Variants in STARD13 observed in about 807,000 individuals in gnomAD.
STARD13 encodes StAR related lipid transfer domain containing 13.
STARD13 carries 62 observed loss-of-function variants against 106.4 expected under a neutral mutation model. The observed-to-expected ratio is 0.58, with a 90% CI of 0.48 to 0.72. The LOEUF is 0.72. STARD13 is among the 30% of genes least tolerant of loss of function. The pLI is 0.00. For missense variants in STARD13, 1,387 were observed against 1,424.0 expected (o/e 0.97, Z 0.42); for synonymous variants, 565 against 553.0 (o/e 1.02, Z -0.31).
chr13:33,334,296 C>G (rs755602851), intron 1 of STARD13, among the ~76,000 whole-genome samples: 1 of 152,112 alleles, frequency 6.6e-6, no homozygotes, highest in African/African-American at 2.4e-5. Context: ...TTTCTCTATT[C>G]TACTACAAAA....
At chr13:33,314,498 A>G (rs1893257059) in intron 1 of STARD13, among the ~76,000 whole-genome samples, 1 of 152,222 alleles carries the variant, frequency 6.6e-6, no homozygotes, top group African/African-American at 2.4e-5. Flanking sequence ...TATCTGAATC[A>G]AGACATGGAA....
At chr13:33,205,148 C>T (rs1403494000) in intron 1 of STARD13, among the ~76,000 whole-genome samples, 3 of 152,184 alleles carry the variant, frequency 2.0e-5, no homozygotes, top group Non-Finnish European at 4.4e-5. Flanking sequence ...CAATTACCAA[C>T]AGCCCAAGTC....
chr13:33,616,951 G>A, the STARD13 span, among the ~76,000 whole-genome samples: 1 of 152,208 alleles, frequency 6.6e-6, no homozygotes, highest in Non-Finnish European at 1.5e-5. Flanking sequence ...AAGGGGACTT[G>A]GGTAGGGAGC....
intron 1 of STARD13, among the ~76,000 whole-genome samples, chr13:33,182,432 A>G (rs1008286906): frequency 1.3e-5 from 2 of 152,136 alleles, no homozygotes; most frequent in African/African-American, 4.8e-5. Context: ...ATTTGACTCA[A>G]ATATATTTCT....
chr13:33,110,234 A>G (rs978630943), intron 11 of STARD13, 144 bp from the exon 12 acceptor site: 3 of 665,104 alleles, frequency 4.5e-6, no homozygotes, highest in African/African-American at 3.6e-5. Context: ...GTGATACTAC[A>G]TACCTCAGCT....
At chr13:33,342,401 T>A (rs564833041) in intron 1 of STARD13, among the ~76,000 whole-genome samples, 1 of 152,306 alleles carries the variant, frequency 6.6e-6, no homozygotes, top group South Asian at 2.1e-4. Flanking sequence ...ATAAACTGTG[T>A]TTTTCTTTTT....
chr13:33,577,074 T>G, the STARD13 span, among the ~76,000 whole-genome samples: 5 of 152,344 alleles, frequency 3.3e-5, no homozygotes, highest in African/African-American at 1.2e-4. Context: ...TTTTATCATT[T>G]AATCATTACC....
intron 1 of STARD13, among the ~76,000 whole-genome samples, chr13:33,278,208 C>T (rs558607344): frequency 6.6e-6 from 1 of 152,240 alleles, no homozygotes; most frequent in Non-Finnish European, 1.5e-5. Flanking sequence ...CAAGATTTTC[C>T]TGAGCCTTTC....
chr13:33,399,407 G>A, the STARD13 span, among the ~76,000 whole-genome samples: 3 of 152,006 alleles, frequency 2.0e-5, no homozygotes, highest in African/African-American at 7.2e-5. Flanking sequence ...AATCTCTAAA[G>A]CATTAGGCCA....
At chr13:33,614,916 A>G in the STARD13 span, among the ~76,000 whole-genome samples, 2 of 152,174 alleles carry the variant, frequency 1.3e-5, no homozygotes, top group Non-Finnish European at 2.9e-5. Flanking sequence ...ACCAACCAGT[A>G]GGATTTCATT....
At chr13:33,197,418 G>GTGTT (rs1886707530) in intron 1 of STARD13, among the ~76,000 whole-genome samples, 3 of 147,984 alleles carry the variant, frequency 2.0e-5, no homozygotes, top group African/African-American at 7.5e-5. Flanking sequence ...GAAGAGAGTT[G>GTGTT]TGTGTGTGTG....
chr13:33,560,321 CT>C, the STARD13 span, among the ~76,000 whole-genome samples: 1 of 151,614 alleles, frequency 6.6e-6, no homozygotes, highest in African/African-American at 2.4e-5. Context: ...TAAGTTTAAA[CT>C]TTTTAAAAAG....
At chr13:33,517,558 T>C in the STARD13 span, among the ~76,000 whole-genome samples, 2 of 152,140 alleles carry the variant, frequency 1.3e-5, no homozygotes, top group Non-Finnish European at 2.9e-5. Context: ...CAGTTCTACA[T>C]GGAGTGAAAC....
At chr13:33,455,020 G>T in the STARD13 span, among the ~76,000 whole-genome samples, 3 of 152,204 alleles carry the variant, frequency 2.0e-5, no homozygotes, top group African/African-American at 7.2e-5. Flanking sequence ...GCTGGCTTTT[G>T]TTCAAAGATA....
chr13:33,392,677 G>GGT, the STARD13 span, among the ~76,000 whole-genome samples: 1 of 152,302 alleles, frequency 6.6e-6, no homozygotes, highest in Non-Finnish European at 1.5e-5. Flanking sequence ...TAGGATTACA[G>GGT]GTGTGAGCCA....
chr13:33,639,575 G>C, the STARD13 span, among the ~76,000 whole-genome samples: 1 of 152,208 alleles, frequency 6.6e-6, no homozygotes, highest in Non-Finnish European at 1.5e-5. Flanking sequence ...GTTAAATTAT[G>C]TTTAGCCCAA....
chr13:33,285,801 C>T (rs908973827), upstream of STARD13: 1 of 1,422,952 alleles, frequency 7.0e-7, no homozygotes, highest in South Asian at 1.5e-5. Flanking sequence ...ATTCCAACCC[C>T]CGGGGCCCTC....
chr13:33,556,115 T>C, the STARD13 span, among the ~76,000 whole-genome samples: 1 of 152,200 alleles, frequency 6.6e-6, no homozygotes, highest in Admixed American at 6.5e-5. Flanking sequence ...TAATGGACTT[T>C]TAATACGTTA....
chr13:33,319,996 C>A (rs192892324), intron 1 of STARD13, among the ~76,000 whole-genome samples: 10 of 152,282 alleles, frequency 6.6e-5, no homozygotes. Context: ...ATCTCAACAT[C>A]CTCCTCTGTA....
Sources: allele counts gnomAD v4.1 joint callset (sites outside exome capture counted in the v4.1 genomes callset), GRCh38; gene constraint gnomAD v4.1.1; transcripts MANE v1.5; gene names NCBI Gene and HGNC (gene_info 2026-07-23, HGNC 2026-07-21).